STK3: variants seen among roughly 807,000 people sequenced by gnomAD.
STK3 encodes serine/threonine-protein kinase 3.
A neutral mutation model predicts 58.0 loss-of-function variants in STK3; 41 were observed. That is an observed-to-expected ratio of 0.71 (90% CI 0.55 to 0.92). The LOEUF is 0.92. STK3 is among the 40% of genes least tolerant of loss of function. The pLI, the probability that STK3 is intolerant of heterozygous loss-of-function variation, is 0.00. For missense variants in STK3, 479 were observed against 602.7 expected (o/e 0.79, Z 2.15); for synonymous variants, 170 against 191.0 (o/e 0.89, Z 0.91).
chr8:98,578,243 C>T (rs1375353512), intron 8 of STK3, among the ~76,000 whole-genome samples: 1 of 152,076 alleles, frequency 6.6e-6, no homozygotes, highest in African/African-American at 2.4e-5. Flanking sequence ...AGAGCAAGAA[C>T]CAAGGGTCTT....
chr8:98,432,176 G>T (rs928401207), intron 3 of STK3: 2 of 166,990 alleles, frequency 1.2e-5, no homozygotes, highest in African/African-American at 4.8e-5. Context: ...ACCAGGGAGA[G>T]TCAGGTTAAT....
Position 98,731,722 on chromosome 8 carries a change from C to CA in STK3, c.351+17553dup, listed in dbSNP as rs35275281. On this transcript the variant is annotated intron_variant, in intron 4 of 10. Transcript: ENST00000419617. ...TGGGCGACAGAGTGAGACTCCGTCTCAAAAAAAAAAAAAAAAAAAATTCAA... is the reference window on the plus strand; with the variant it reads ...TGGGCGACAGAGTGAGACTCCGTCTCAAAAAAAAAAAAAAAAAAAAATTCAA... 3.0e-3 allele frequency among the ~76,000 whole-genome samples: 305 copies of CA among 102,438 alleles called. 1 individual carries two copies. Among genetic ancestry groups the CA allele is most frequent in the South Asian group, 0.012 (34 of 2,930 alleles). 67.2% of individuals were successfully genotyped at this position (102,438 alleles called of 152,430 possible). A position where few individuals can be genotyped will look rare whatever the true frequency, so the allele number is the denominator to read the frequency against.
At chr8:98,811,517 TAA>T (rs1274061749) in intron 1 of STK3, among the ~76,000 whole-genome samples, 37 of 146,408 alleles carry the variant, frequency 2.5e-4, no homozygotes, top group African/African-American at 9.1e-4. Context: ...GCAAATTCAT[TAA>T]GTGTTCCATT....
chr8:98,652,668 C>A (rs1272887413), intron 6 of STK3, among the ~76,000 whole-genome samples: 2 of 147,882 alleles, frequency 1.4e-5, no homozygotes, highest in Admixed American at 6.8e-5. Context: ...CAAAAAAAGG[C>A]AGGGGTTGCA....
chr8:98,354,212 C>T, the STK3 span, among the ~76,000 whole-genome samples: 1 of 152,210 alleles, frequency 6.6e-6, no homozygotes, highest in African/African-American at 2.4e-5. Context: ...GATTTAGGTC[C>T]TAAGTCCTGG....
chr8:98,748,997 C>T (rs1452141341), intron 4 of STK3, among the ~76,000 whole-genome samples: 1 of 151,846 alleles, frequency 6.6e-6, no homozygotes, highest in Admixed American at 6.6e-5. Context: ...AACACACACA[C>T]ACGCTGATTC....
chr8:98,430,419 G>C (rs1031582197), intron 3 of STK3: 7 of 167,102 alleles, frequency 4.2e-5, no homozygotes, highest in African/African-American at 1.4e-4. Context: ...GTTTACTGTT[G>C]TATCGTCTCC....
At chr8:98,565,660 C>T (rs989962363) in intron 8 of STK3, among the ~76,000 whole-genome samples, 11 of 152,028 alleles carry the variant, frequency 7.2e-5, no homozygotes, top group Non-Finnish European at 1.6e-4. Flanking sequence ...TTATATCATA[C>T]ACAACACTAC....
intron 6 of STK3, among the ~76,000 whole-genome samples, chr8:98,655,864 AG>A (rs1354360274): frequency 2.6e-5 from 4 of 152,222 alleles, no homozygotes; most frequent in Admixed American, 2.6e-4. Flanking sequence ...GTGGAGAAAT[AG>A]GAACACTTTT....
intron 8 of STK3, among the ~76,000 whole-genome samples, chr8:98,551,334 G>C (rs1018990401): frequency 6.6e-6 from 1 of 152,110 alleles, no homozygotes; most frequent in Admixed American, 6.6e-5. Flanking sequence ...ATAAATGTAA[G>C]TACCCTATGG....
At position 98,375,657 on chromosome 8, in the gene STK3, A is replaced by G. The variant is rs535967024; in HGVS notation, n.111+3496T>C. Among the ~76,000 whole-genome samples, 5 of 151,840 alleles carry G rather than the reference A, an allele frequency of 3.3e-5. 1 individual carries two copies. In the South Asian group the frequency reaches 6.2e-4, roughly 19 times the overall value. ...TGTCATGTCAATGGAATCATGTACTATGTACCCTTTTGCAACTTTTTTTTT... is the reference window on the plus strand; with the variant it reads ...TGTCATGTCAATGGAATCATGTACTGTGTACCCTTTTGCAACTTTTTTTTT... On this transcript the variant is annotated intron_variant and non_coding_transcript_variant, in intron 2 of 2. Transcript: ENST00000518704.
At chr8:98,611,275 A>G (rs963462656) in intron 6 of STK3, among the ~76,000 whole-genome samples, 5 of 152,196 alleles carry the variant, frequency 3.3e-5, no homozygotes, top group Non-Finnish European at 7.3e-5. Context: ...TAAGAAAATC[A>G]AAATTAACAA....
chr8:98,868,441 C>T (rs1837229187), intron 3 of STK3, among the ~76,000 whole-genome samples: 1 of 152,214 alleles, frequency 6.6e-6, no homozygotes, highest in Non-Finnish European at 1.5e-5. Flanking sequence ...CCATTTGTTA[C>T]TGTGTATCCC....
At chr8:98,407,714 A>T (rs979723547) in intron 3 of STK3, among the ~76,000 whole-genome samples, 1 of 137,110 alleles carries the variant, frequency 7.3e-6, no homozygotes, top group African/African-American at 2.9e-5. Context: ...AGATGAGTGC[A>T]TGTGTGTGTG....
intron 2 of STK3, among the ~76,000 whole-genome samples, chr8:98,768,875 A>G (rs963975208): frequency 6.6e-6 from 1 of 152,220 alleles, no homozygotes; most frequent in African/African-American, 2.4e-5. Flanking sequence ...CTTCCTGCTG[A>G]GCTTCCAACA....
intron 10 of STK3, among the ~76,000 whole-genome samples, chr8:98,479,452 A>C (rs1052162030): frequency 1.7e-5 from 2 of 117,264 alleles, no homozygotes; most frequent in African/African-American, 6.6e-5. Flanking sequence ...CTGCCACTGC[A>C]CTCCAGCCTG....
intron 1 of STK3, among the ~76,000 whole-genome samples, chr8:98,904,335 CA>C (rs1372342594): frequency 1.3e-5 from 2 of 152,180 alleles, no homozygotes; most frequent in East Asian, 3.9e-4. Context: ...GGGATGCCAG[CA>C]TAATCCTTAC....
At chr8:98,935,619 C>A (rs1840167132) in intron 1 of STK3, among the ~76,000 whole-genome samples, 1 of 152,164 alleles carries the variant, frequency 6.6e-6, no homozygotes, top group Non-Finnish European at 1.5e-5. Flanking sequence ...GTACTGTATT[C>A]CTACTTTTCA....
chr8:98,463,926 A>C (rs1019515166), intron 10 of STK3, among the ~76,000 whole-genome samples: 1 of 152,172 alleles, frequency 6.6e-6, no homozygotes, highest in East Asian at 1.9e-4. Context: ...ACACTACTAC[A>C]ATGAAGCAAA....
Sources: allele counts gnomAD v4.1 joint callset (sites outside exome capture counted in the v4.1 genomes callset), GRCh38; gene constraint gnomAD v4.1.1; transcripts MANE v1.5; gene names NCBI Gene and HGNC (gene_info 2026-07-23, HGNC 2026-07-21).